Variants in NKAIN3 observed in about 807,000 individuals in gnomAD.
NKAIN3 encodes sodium/potassium transporting ATPase interacting 3.
A neutral mutation model predicts 30.2 loss-of-function variants in NKAIN3; 25 were observed. The ratio of observed to expected loss-of-function variants is 0.83; its 90% CI spans 0.60 to 1.16. NKAIN3 has a LOEUF of 1.16. Ranked by LOEUF, NKAIN3 falls within the 50% of genes most tolerant of loss-of-function variation. The pLI is 0.00. For missense variants in NKAIN3, 225 were observed against 254.1 expected (o/e 0.89, Z 0.78); for synonymous variants, 91 against 89.6 (o/e 1.02, Z -0.09).
At chr8:62,624,375 A>T (rs920630206) in intron 3 of NKAIN3, among the ~76,000 whole-genome samples, 1 of 151,822 alleles carries the variant, frequency 6.6e-6, no homozygotes, top group African/African-American at 2.4e-5. Flanking sequence ...TCAGAGTTCT[A>T]GGTTGGTATT....
chr8:62,681,970 G>T (rs367761437), intron 3 of NKAIN3, among the ~76,000 whole-genome samples: 244 of 152,242 alleles, frequency 1.6e-3, no homozygotes, highest in African/African-American at 5.5e-3. Context: ...GTAGGAAAAT[G>T]GTGGATAGGA....
At chr8:62,897,356 A>G (rs563379770) in intron 4 of NKAIN3, among the ~76,000 whole-genome samples, 31 of 120,528 alleles carry the variant, frequency 2.6e-4, no homozygotes, top group Non-Finnish European at 4.0e-4. Flanking sequence ...TATGGAAACA[A>G]ATCTGTTGGT....
At chr8:62,561,207 A>G (rs556499534) in intron 1 of NKAIN3, among the ~76,000 whole-genome samples, 63 of 152,062 alleles carry the variant, frequency 4.1e-4, no homozygotes, top group Non-Finnish European at 8.2e-4. Context: ...CAAAAAGAAA[A>G]CCCAGGGAAA....
intron 4 of NKAIN3, among the ~76,000 whole-genome samples, chr8:62,792,500 A>G (rs1254764635): frequency 6.6e-6 from 1 of 152,272 alleles, no homozygotes; most frequent in African/African-American, 2.4e-5. Flanking sequence ...TTCAAGCAGC[A>G]TGTTCAACAT....
At chr8:62,771,378 T>C (rs1035897378) in intron 4 of NKAIN3, among the ~76,000 whole-genome samples, 1 of 152,116 alleles carries the variant, frequency 6.6e-6, no homozygotes, top group Non-Finnish European at 1.5e-5. Flanking sequence ...AATTGAAAAT[T>C]ACAATAAATT....
intron 3 of NKAIN3, among the ~76,000 whole-genome samples, chr8:62,648,687 G>C (rs563827545): frequency 1.3e-5 from 2 of 152,250 alleles, no homozygotes; most frequent in African/African-American, 4.8e-5. Flanking sequence ...TTGTCTTCCA[G>C]CCTCTTCCCT....
intron 4 of NKAIN3, among the ~76,000 whole-genome samples, chr8:62,752,235 A>C (rs1816305036): frequency 6.6e-6 from 1 of 152,176 alleles, no homozygotes; most frequent in South Asian, 2.1e-4. Flanking sequence ...AGGGCATAGC[A>C]CAGAAGCATT....
chr8:62,788,639 G>GT (rs906561372), intron 4 of NKAIN3, among the ~76,000 whole-genome samples: 5 of 151,870 alleles, frequency 3.3e-5, no homozygotes, highest in African/African-American at 1.2e-4. Flanking sequence ...TATTGACTAG[G>GT]TTTTCTTCTA....
intron 4 of NKAIN3, among the ~76,000 whole-genome samples, chr8:62,904,403 C>A (rs1265056762): frequency 1.3e-5 from 2 of 152,222 alleles, no homozygotes; most frequent in African/African-American, 4.8e-5. Flanking sequence ...ACTCTACTAT[C>A]CTTTTTCTTT....
chr8:62,951,957 G>A (rs1467536414), intron 5 of NKAIN3, among the ~76,000 whole-genome samples: 1 of 151,866 alleles, frequency 6.6e-6, no homozygotes, highest in Non-Finnish European at 1.5e-5. Context: ...GTGCCACCAT[G>A]CCCAGCTAAT....
At chr8:62,353,259 A>G (rs1048881318) in intron 1 of NKAIN3, among the ~76,000 whole-genome samples, 6 of 152,252 alleles carry the variant, frequency 3.9e-5, no homozygotes, top group African/African-American at 1.4e-4. Flanking sequence ...GTTTAAGTGT[A>G]GTTTAATAGT....
chr8:62,680,568 A>T (rs1813616977), intron 3 of NKAIN3, among the ~76,000 whole-genome samples: 1 of 152,202 alleles, frequency 6.6e-6, no homozygotes, highest in South Asian at 2.1e-4. Context: ...ATTTAGTATT[A>T]TGCTGTTATC....
intron 3 of NKAIN3, among the ~76,000 whole-genome samples, chr8:62,633,340 A>G (rs1812026977): frequency 6.6e-6 from 1 of 152,182 alleles, no homozygotes; most frequent in Non-Finnish European, 1.5e-5. Context: ...TCTGTCACTA[A>G]CATAGGGTCC....
chr8:62,960,821 C>T (rs1823551220), intron 6 of NKAIN3, among the ~76,000 whole-genome samples: 1 of 151,904 alleles, frequency 6.6e-6, no homozygotes, highest in Non-Finnish European at 1.5e-5. Flanking sequence ...CACTTGATTC[C>T]ATTCTGCCTT....
chr8:62,485,547 G>T (rs753294471), intron 1 of NKAIN3, among the ~76,000 whole-genome samples: 1 of 152,104 alleles, frequency 6.6e-6, no homozygotes, highest in Non-Finnish European at 1.5e-5. Flanking sequence ...AGCTTTATGC[G>T]GCTTTTTATT....
At chr8:62,605,811 G>A (rs1331125988) in intron 3 of NKAIN3, among the ~76,000 whole-genome samples, 1 of 151,938 alleles carries the variant, frequency 6.6e-6, no homozygotes, top group Non-Finnish European at 1.5e-5. Context: ...TCTGCAGGGG[G>A]CCTGGAATCA....
chr8:62,855,546 C>A, intron 4 of NKAIN3: 1 of 1,522,716 alleles, frequency 6.6e-7, no homozygotes, highest in Non-Finnish European at 9.1e-7. Context: ...TTAAACTCAA[C>A]CACCAGGGAG....
At chr8:62,319,490 C>G (rs1166548736) in intron 1 of NKAIN3, among the ~76,000 whole-genome samples, 1 of 152,096 alleles carries the variant, frequency 6.6e-6, no homozygotes, top group Non-Finnish European at 1.5e-5. Flanking sequence ...TTTCCCTCTA[C>G]ACACTGCTTT....
intron 3 of NKAIN3, among the ~76,000 whole-genome samples, chr8:62,590,005 A>G (rs775218977): frequency 5.3e-5 from 8 of 151,406 alleles, no homozygotes; most frequent in Non-Finnish European, 1.0e-4. Flanking sequence ...ATGGAACTTC[A>G]AAACAACTGC....
Sources: allele counts gnomAD v4.1 joint callset (sites outside exome capture counted in the v4.1 genomes callset), GRCh38; gene constraint gnomAD v4.1.1; transcripts MANE v1.5; gene names NCBI Gene and HGNC (gene_info 2026-07-23, HGNC 2026-07-21).